CACNA1D: variants seen among roughly 807,000 people sequenced by gnomAD.
CACNA1D encodes voltage-dependent L-type calcium channel subunit alpha-1D.
A neutral mutation model predicts 257.1 loss-of-function variants in CACNA1D; 55 were observed. That is an observed-to-expected ratio of 0.21 (90% confidence interval 0.17 to 0.27). The LOEUF (loss-of-function observed/expected upper bound fraction) is 0.27. Among genes scored for constraint, CACNA1D ranks in the 10% least tolerant of loss-of-function variants. The pLI, the probability that CACNA1D is intolerant of heterozygous loss-of-function variation, is 1.00. For synonymous variants in CACNA1D, 980 were observed against 1,014.9 expected (o/e 0.97, Z 0.65); for missense variants, 1,876 against 2,784.0 (o/e 0.67, Z 7.34).
At chr3:53,801,497 G>T in intron 42 of CACNA1D, 72 bp downstream of exon 42, 1 of 1,590,266 alleles carries the variant, frequency 6.3e-7, no homozygotes, top group South Asian at 1.1e-5. Flanking sequence ...CAAGGAGCAA[G>T]GCGGGTCTGT....
At position 53,732,028 on chromosome 3, in the gene CACNA1D, G is replaced by T; in HGVS notation, c.2419G>T (p.Asp807Tyr). The change falls in exon 18 of 48, where the codon GAC becomes TAC. Residue 807 changes from aspartate to tyrosine, a missense_variant. Transcript: ENST00000350061. ...ANSDNKVTID[D>Y]YREEDEDKDP... ...TTTGTCATCCTAGGTTACAATTGATGACTATAGAGAAGAGGATGAAGACAA... is the reference window on the plus strand; with the variant it reads ...TTTGTCATCCTAGGTTACAATTGATTACTATAGAGAAGAGGATGAAGACAA... 1.9e-6 allele frequency: 3 copies of T among 1,608,650 alleles called. No homozygotes were observed. The highest frequency in any genetic ancestry group is 1.7e-5 in the Admixed American group (1 of 60,018).
intron 26 of CACNA1D, among the ~76,000 whole-genome samples, chr3:53,748,781 G>A (rs952058052): frequency 6.6e-6 from 1 of 152,100 alleles, no homozygotes; most frequent in African/African-American, 2.4e-5. Context: ...ATCAGAATGG[G>A]GATCAATGGA....
Position 53,731,301 on chromosome 3 carries a change from AG to A in CACNA1D, c.2406+161del, listed in dbSNP as rs151218017. ...CACACCATATAGACCCTGGCTTCCC[AG>A]GGGGGATTCTGGTTGAATTTAGGCA... is the stretch of plus-strand genomic sequence containing the variant. On this transcript the variant is annotated intron_variant, in intron 17 of 47. Transcript: ENST00000350061. Among the ~76,000 whole-genome samples, 2,039 of 152,326 alleles carry A rather than the reference AG, an allele frequency of 0.013. 54 individuals carry two copies. Among genetic ancestry groups the A allele is most frequent in the African/African-American group, 0.046 (1,895 of 41,564 alleles).
At chr3:53,516,698 T>G (rs1262533047) in intron 3 of CACNA1D, among the ~76,000 whole-genome samples, 1 of 152,236 alleles carries the variant, frequency 6.6e-6, no homozygotes, top group Non-Finnish European at 1.5e-5. Flanking sequence ...AATGAACTAG[T>G]AGGGCCTGTG....
In CACNA1D at chr3:53,723,372, G is replaced by A. The variant is rs918466207; in HGVS notation, c.1667-62G>A. 21 of 1,207,050 alleles carry A rather than the reference G, an allele frequency of 1.7e-5. No homozygotes were observed. In the African/African-American group the frequency reaches 2.5e-4, roughly 15 times the overall value. The allele number at this position is 1,207,050 out of a possible 1,614,324, so 74.8% of individuals were successfully genotyped here. On this transcript the variant is annotated intron_variant, in intron 12 of 47. Transcript: ENST00000350061. This position sits in a 1 kb window ranked among gnomAD's most constrained non-coding sequence, Gnocchi z 5.6. ...CCTGATAGGGAGGGAGGTGTGAGGGGCACGAGCAGTCTGAGTGTCTTGCAG... is the reference window on the plus strand; with the variant it reads ...CCTGATAGGGAGGGAGGTGTGAGGGACACGAGCAGTCTGAGTGTCTTGCAG...
At chr3:53,768,821 C>T (rs1309579594) in intron 30 of CACNA1D, among the ~76,000 whole-genome samples, 1 of 152,188 alleles carries the variant, frequency 6.6e-6, no homozygotes, top group East Asian at 1.9e-4. Flanking sequence ...TGAGCTCTAC[C>T]TTTCCCCAGA....
At chr3:53,579,779 C>T (rs1009936505) in intron 3 of CACNA1D, among the ~76,000 whole-genome samples, 18 of 152,184 alleles carry the variant, frequency 1.2e-4, no homozygotes, top group African/African-American at 3.9e-4. Context: ...GTGTGATCCC[C>T]TCCTACTGTG....
intron 3 of CACNA1D, among the ~76,000 whole-genome samples, chr3:53,547,031 T>C (rs574521586): frequency 1.3e-5 from 2 of 152,334 alleles, no homozygotes; most frequent in Non-Finnish European, 2.9e-5. Flanking sequence ...TTTGATCTCA[T>C]CAACCATGCC....
intron 3 of CACNA1D, among the ~76,000 whole-genome samples, chr3:53,624,393 C>T (rs556641394): frequency 1.1e-4 from 17 of 152,308 alleles, no homozygotes; most frequent in African/African-American, 4.1e-4. Flanking sequence ...TGAGGTCTTG[C>T]GTGATAACGA....
At chr3:53,808,873 G>GA (rs2095581358) in intron 46 of CACNA1D, 103 bp downstream of exon 46, 3 of 1,219,398 alleles carry the variant, frequency 2.5e-6, no homozygotes, top group Non-Finnish European at 3.5e-6. Flanking sequence ...AGGAGGGAAG[G>GA]AGAGAATCTT....
At chr3:53,753,497 C>A in intron 28 of CACNA1D, 75 bp from the exon 29 acceptor site, 1 of 998,446 alleles carries the variant, frequency 1.0e-6, no homozygotes, top group Non-Finnish European at 1.6e-6. Context: ...GCACAGAGGG[C>A]TGGGAGCCTC....
chr3:53,610,207 G>C (rs1197804665), intron 3 of CACNA1D, among the ~76,000 whole-genome samples: 1 of 152,110 alleles, frequency 6.6e-6, no homozygotes, highest in Non-Finnish European at 1.5e-5. Context: ...TGTTTATTGG[G>C]CTGTTAATGG....
chr3:53,527,449 A>C (rs569745249), intron 3 of CACNA1D, among the ~76,000 whole-genome samples: 1 of 152,254 alleles, frequency 6.6e-6, no homozygotes, highest in African/African-American at 2.4e-5. Flanking sequence ...CTTTCCTGCT[A>C]TTAAAGGAAA....
At chr3:53,660,312 TG>T in intron 5 of CACNA1D, 37 bp downstream of exon 5, 1 of 1,609,308 alleles carries the variant, frequency 6.2e-7, no homozygotes, top group Non-Finnish European at 8.5e-7. Flanking sequence ...AGGAGTGTGC[TG>T]GTTTTTTCTT....
chr3:53,652,625 T>C (rs1303282058), intron 4 of CACNA1D, among the ~76,000 whole-genome samples: 3 of 152,140 alleles, frequency 2.0e-5, no homozygotes, highest in Non-Finnish European at 4.4e-5. Flanking sequence ...TGGAAAGACC[T>C]CATTGAACAC....
At chr3:53,634,009 A>G (rs940157604) in intron 3 of CACNA1D, among the ~76,000 whole-genome samples, 3 of 152,260 alleles carry the variant, frequency 2.0e-5, no homozygotes, top group African/African-American at 7.2e-5. Context: ...TTTAGAAAAT[A>G]GCATCTATTC....
intron 3 of CACNA1D, among the ~76,000 whole-genome samples, chr3:53,588,928 C>T (rs990896226): frequency 6.6e-6 from 1 of 152,136 alleles, no homozygotes; most frequent in Non-Finnish European, 1.5e-5. Flanking sequence ...TTGTCCTGTT[C>T]ACCTTTTTTG....
intron 3 of CACNA1D, among the ~76,000 whole-genome samples, chr3:53,563,716 G>A (rs535775484): frequency 2.0e-5 from 3 of 151,920 alleles, no homozygotes; most frequent in Non-Finnish European, 2.9e-5. Flanking sequence ...TAGATTTATC[G>A]GTAATTCATT....
chr3:53,775,797 C>T, intron 34 of CACNA1D, 89 bp from the exon 35 acceptor site: 1 of 1,259,768 alleles, frequency 7.9e-7, no homozygotes, highest in Non-Finnish European at 1.2e-6. Flanking sequence ...TTAGGTTTTG[C>T]TCTAATTATG....
Sources: allele counts gnomAD v4.1 joint callset (sites outside exome capture counted in the v4.1 genomes callset), GRCh38; gene constraint gnomAD v4.1.1; non-coding constraint Gnocchi (gnomAD v3.1); transcripts MANE v1.5; gene names NCBI Gene and HGNC (gene_info 2026-07-23, HGNC 2026-07-21).